EGFR: variants seen among roughly 807,000 people sequenced by gnomAD.
EGFR encodes the protein avian erythroblastic leukemia viral (v-erb-b) oncogene homolog.
EGFR carries 58 observed loss-of-function variants against 143.0 expected under a neutral mutation model. That is an observed-to-expected ratio of 0.41 (90% confidence interval 0.33 to 0.50). EGFR has a LOEUF of 0.50. EGFR is among the 20% of genes least tolerant of loss of function. EGFR has a pLI of 0.39. For missense variants in EGFR, 1,307 were observed against 1,579.0 expected, an observed-to-expected ratio of 0.83 and a Z score of 2.92; for synonymous variants, 613 against 594.4, an observed-to-expected ratio of 1.03 and a Z score of -0.45.
chr7:55,192,975 G>A, intron 22 of EGFR, 134 bp downstream of exon 22: 2 of 842,052 alleles, frequency 2.4e-6, no homozygotes, highest in Non-Finnish European at 3.9e-6. Context: ...TGTAATCATT[G>A]CTGTCTATCT....
At chr7:55,141,521 G>A (rs185174740) in intron 1 of EGFR, among the ~76,000 whole-genome samples, 33 of 152,296 alleles carry the variant, frequency 2.2e-4, no homozygotes, top group African/African-American at 7.7e-4. Context: ...GAGTGTGGAC[G>A]AGCATAGGGA....
At chr7:55,142,577 A>G in intron 2 of EGFR, 140 bp downstream of exon 2, 1 of 1,061,396 alleles carries the variant, frequency 9.4e-7, no homozygotes, top group Non-Finnish European at 1.4e-6. Context: ...CGAGAGTTTT[A>G]TGAGAAAGCC....
At chr7:55,191,909 C>A (rs569493475) in intron 21 of EGFR, 35 bp downstream of exon 21, 1 of 1,611,432 alleles carries the variant, frequency 6.2e-7, no homozygotes, top group Admixed American at 1.7e-5. Context: ...CAGCATTTTC[C>A]TGACACCAGG....
rs562282741 is a variant in EGFR at position 55,184,649 on chromosome 7, C to G, written c.2469+3171C>G. On this transcript the variant is annotated intron_variant, in intron 20 of 27. Coordinates refer to ENST00000275493, the MANE Select transcript of EGFR (RefSeq NM_005228.5). ...ACAATTTCAATCTGTTATTTAAAGC[C>G]ATTCTTGTGTTTGTTGTACTTTGAT... is the stretch of plus-strand genomic sequence containing the variant. 9.2e-5 allele frequency among the ~76,000 whole-genome samples: 14 copies of G among 152,288 alleles called. No individual in the cohort carries two copies. In the East Asian group the frequency reaches 2.7e-3, roughly 29 times the overall value.
chr7:55,157,889 T>C (rs1785508487), intron 11 of EGFR, 136 bp downstream of exon 11: 1 of 885,494 alleles, frequency 1.1e-6, no homozygotes. Flanking sequence ...CTATCTCACA[T>C]GAGCAGGCAC....
At chr7:55,150,610 T>C (rs1785103177) in intron 4 of EGFR, among the ~76,000 whole-genome samples, 1 of 152,204 alleles carries the variant, frequency 6.6e-6, no homozygotes, top group Non-Finnish European at 1.5e-5. Context: ...TCTTTCTATA[T>C]AGATATAGCA....
chr7:55,145,051 T>C (rs923382351), intron 3 of EGFR, among the ~76,000 whole-genome samples: 2 of 152,206 alleles, frequency 1.3e-5, no homozygotes, highest in Admixed American at 1.3e-4. Flanking sequence ...ATACCATTAA[T>C]AGCTAACCTA....
intron 1 of EGFR, among the ~76,000 whole-genome samples, chr7:55,090,295 T>C (rs913231267): frequency 6.6e-6 from 1 of 152,206 alleles, no homozygotes; most frequent in Admixed American, 6.5e-5. Flanking sequence ...TTTTTCTGTT[T>C]TTTAAAGAAC....
intron 20 of EGFR, 55 bp downstream of exon 20, chr7:55,181,533 T>A (rs757791231): frequency 6.2e-7 from 1 of 1,608,892 alleles, no homozygotes; most frequent in Non-Finnish European, 8.5e-7. Context: ...GATCCTCACA[T>A]GCGGTCTGCG....
intron 5 of EGFR, among the ~76,000 whole-genome samples, chr7:55,151,603 C>G (rs908631327): frequency 6.6e-6 from 1 of 152,160 alleles, no homozygotes; most frequent in African/African-American, 2.4e-5. Context: ...GGGCTGGGCG[C>G]GGTGGCTCAC....
At chr7:55,117,790 G>T (rs1484851588) in intron 1 of EGFR, among the ~76,000 whole-genome samples, 2 of 152,214 alleles carry the variant, frequency 1.3e-5, no homozygotes, top group Non-Finnish European at 2.9e-5. Context: ...CACAGTCAGG[G>T]CTGCGGAAAA....
At chr7:55,120,648 C>T (rs1193186187) in intron 1 of EGFR, among the ~76,000 whole-genome samples, 1 of 152,206 alleles carries the variant, frequency 6.6e-6, no homozygotes, top group Non-Finnish European at 1.5e-5. Context: ...CCACAGCACA[C>T]ACAGGGCCTG....
chr7:55,100,231 C>T (rs1043014403), intron 1 of EGFR, among the ~76,000 whole-genome samples: 2 of 152,194 alleles, frequency 1.3e-5, no homozygotes, highest in Admixed American at 1.3e-4. Flanking sequence ...CTAAACCACC[C>T]TGGGTCACCT....
chr7:55,073,055 A>G (rs1417815154), intron 1 of EGFR, among the ~76,000 whole-genome samples: 1 of 152,208 alleles, frequency 6.6e-6, no homozygotes, highest in African/African-American at 2.4e-5. Context: ...CTTTTGGCTA[A>G]CTACCTGACT....
chr7:55,053,754 G>C (rs1788626049), intron 1 of EGFR, among the ~76,000 whole-genome samples: 1 of 152,240 alleles, frequency 6.6e-6, no homozygotes, highest in Non-Finnish European at 1.5e-5. Context: ...CCGCTGCTTT[G>C]TCGCAGGAAC....
chr7:55,048,866 T>C (rs1028281702), intron 1 of EGFR, among the ~76,000 whole-genome samples: 3 of 152,186 alleles, frequency 2.0e-5, no homozygotes, highest in African/African-American at 7.2e-5. Context: ...TTTGAATGAC[T>C]CTAAGAATTT....
chr7:55,137,294 C>G (rs1419540135), intron 1 of EGFR, among the ~76,000 whole-genome samples: 9 of 152,180 alleles, frequency 5.9e-5, no homozygotes, highest in Non-Finnish European at 1.3e-4. Flanking sequence ...GCCTTTAATG[C>G]ATAGCTAAGA....
At chr7:55,019,924 C>T (rs1027341702) in intron 1 of EGFR, among the ~76,000 whole-genome samples, 1 of 152,212 alleles carries the variant, frequency 6.6e-6, no homozygotes, top group African/African-American at 2.4e-5. Flanking sequence ...GACCTCCCCG[C>T]CTCCGCCCTC....
chr7:55,133,246 CT>C (rs1441037239), intron 1 of EGFR, among the ~76,000 whole-genome samples: 1 of 152,166 alleles, frequency 6.6e-6, no homozygotes, highest in Non-Finnish European at 1.5e-5. Flanking sequence ...GAGTTGCACC[CT>C]GGCAGGCAGC....
Sources: allele counts gnomAD v4.1 joint callset (sites outside exome capture counted in the v4.1 genomes callset), GRCh38; gene constraint gnomAD v4.1.1; transcripts MANE v1.5; gene names NCBI Gene and HGNC (gene_info 2026-07-23, HGNC 2026-07-21).